Variants in BMERB1 observed in about 807,000 individuals in gnomAD.
BMERB1 encodes the protein bMERB domain-containing protein 1.
In BMERB1, 12 loss-of-function variants were observed where a neutral mutation model predicts 23.6. That is an observed-to-expected ratio of 0.51 (90% confidence interval 0.33 to 0.82). BMERB1 has a LOEUF of 0.82. BMERB1 is among the 40% of genes least tolerant of loss of function. BMERB1 has a pLI of 0.03. For synonymous variants in BMERB1, 122 were observed against 96.6 expected (o/e 1.26, Z -1.54); for missense variants, 247 against 255.4 (o/e 0.97, Z 0.22).
chr16:15,586,583 TGAACAAGGCCTG>T (rs1325851500), intron 5 of BMERB1, 122 bp from the exon 6 acceptor site: 2 of 726,296 alleles, frequency 2.8e-6, no homozygotes, highest in Non-Finnish European at 2.5e-6. Flanking sequence ...CCATACCACC[TGAACAAGGCCTG>T]GAACAAGACC....
chr16:15,482,016 C>T (rs1441784689), intron 1 of BMERB1, among the ~76,000 whole-genome samples: 1 of 152,110 alleles, frequency 6.6e-6, no homozygotes, highest in African/African-American at 2.4e-5. Context: ...CAGGCATGAG[C>T]CACCGCGCCT....
At chr16:15,451,552 C>CTTTTT (rs35544766) in intron 1 of BMERB1, among the ~76,000 whole-genome samples, 13 of 84,018 alleles carry the variant, frequency 1.5e-4, no homozygotes, top group African/African-American at 2.3e-4. Context: ...CTTAGTATTT[C>CTTTTT]TTTTTTTTTT....
intron 1 of BMERB1, among the ~76,000 whole-genome samples, chr16:15,449,887 G>A (rs1038828356): frequency 2.0e-5 from 3 of 151,552 alleles, no homozygotes; most frequent in African/African-American, 7.3e-5. Flanking sequence ...GACTAGAGAT[G>A]GGCAAATTTT....
chr16:15,541,046 C>T lies in BMERB1; in HGVS notation c.230+25618C>T, dbSNP rs191927363. Among the ~76,000 whole-genome samples the T allele has an allele frequency of 1.1e-3, 170 of 152,056 alleles. 1 individual carries two copies. The highest frequency in any genetic ancestry group is 3.9e-3 in the African/African-American group (160 of 41,470). On this transcript the variant is annotated intron_variant, in intron 2 of 5. Coordinates refer to ENST00000300006, the MANE Select transcript of BMERB1 (RefSeq NM_033201.3). The stretch of plus-strand genomic sequence containing the variant: ...CTATCTCAGATGCCAGTCGCAAGTC[C>T]GGAGCCACCCACCCTTCTGCCTGGC...
chr16:15,581,396 A>G, intron 4 of BMERB1, 65 bp downstream of exon 4: 2 of 1,355,360 alleles, frequency 1.5e-6, no homozygotes, highest in Non-Finnish European at 2.1e-6. Context: ...TCCTTCCAGA[A>G]CCCATCTTCT....
Position 15,587,199 on chromosome 16 carries a change from G to A in BMERB1, c.*370G>A, listed in dbSNP as rs556879722. On this transcript the variant is annotated 3_prime_UTR_variant, in exon 6 of 6. Transcript: ENST00000300006. The stretch of plus-strand genomic sequence containing the variant: ...GCATGCTCCCCAGCTGTGTGTAGTC[G>A]TGACTTCTCAACAATCTAGCACCAT... 7.2e-5 allele frequency: 18 copies of A among 250,020 alleles called. No homozygotes were observed. The highest frequency in any genetic ancestry group is 1.1e-4 in the East Asian group (1 of 8,944). 15.5% of individuals were successfully genotyped at this position (250,020 alleles called of 1,614,324 possible).
chr16:15,546,919 C>T (rs146529688), intron 2 of BMERB1, among the ~76,000 whole-genome samples: 6 of 152,124 alleles, frequency 3.9e-5, no homozygotes, highest in African/African-American at 9.6e-5. Flanking sequence ...CTCGTTATCT[C>T]GTCATGTTTC....
intron 5 of BMERB1, 40 bp from the exon 6 acceptor site, chr16:15,586,677 T>C (rs538538791): frequency 6.6e-7 from 1 of 1,507,528 alleles, no homozygotes; most frequent in East Asian, 2.4e-5. Context: ...CTCTCTCTGT[T>C]CCTTTCTCCC....
chr16:15,502,333 C>T (rs2051538806), intron 1 of BMERB1: 1 of 1,551,112 alleles, frequency 6.4e-7, no homozygotes, highest in Admixed American at 2.0e-5. Flanking sequence ...TGTGGGGCGA[C>T]CTCACAGAGA....
chr16:15,564,335 A>AT (rs917873977), intron 2 of BMERB1, among the ~76,000 whole-genome samples: 27 of 151,954 alleles, frequency 1.8e-4, no homozygotes, highest in East Asian at 3.9e-4. Flanking sequence ...GCATACATAA[A>AT]TTTTTTTTTG....
At chr16:15,565,345 G>C (rs2030534710) in intron 2 of BMERB1, among the ~76,000 whole-genome samples, 1 of 152,158 alleles carries the variant, frequency 6.6e-6, no homozygotes, top group Non-Finnish European at 1.5e-5. Context: ...TTTTTCCTAG[G>C]ATAGTTGTCA....
At chr16:15,555,278 T>A (rs1221306380) in intron 2 of BMERB1, among the ~76,000 whole-genome samples, 1 of 152,068 alleles carries the variant, frequency 6.6e-6, no homozygotes, top group African/African-American at 2.4e-5. Flanking sequence ...CTCGCTATGT[T>A]GCCTAGGCTA....
chr16:15,456,491 C>T (rs961993804), intron 1 of BMERB1, among the ~76,000 whole-genome samples: 4 of 152,078 alleles, frequency 2.6e-5, no homozygotes, highest in African/African-American at 9.7e-5. Flanking sequence ...CACATGCCAC[C>T]ACACCCAGCT....
chr16:15,448,225 G>T (rs1263079127), intron 1 of BMERB1, among the ~76,000 whole-genome samples: 1 of 152,154 alleles, frequency 6.6e-6, no homozygotes, highest in Non-Finnish European at 1.5e-5. Flanking sequence ...TCTGGCAATG[G>T]TGACCAACTG....
chr16:15,484,407 CTT>C (rs147271936), intron 1 of BMERB1, among the ~76,000 whole-genome samples: 5 of 146,468 alleles, frequency 3.4e-5, no homozygotes, highest in Non-Finnish European at 7.6e-5. Context: ...CCCCCAACCT[CTT>C]TTTTTTTTTT....
chr16:15,513,335 C>T (rs1373446783), intron 1 of BMERB1, among the ~76,000 whole-genome samples: 3 of 152,110 alleles, frequency 2.0e-5, no homozygotes, highest in Non-Finnish European at 4.4e-5. Context: ...TTAAGTGCTT[C>T]GTGATACAGC....
intron 3 of BMERB1, among the ~76,000 whole-genome samples, chr16:15,574,467 A>G (rs995412848): frequency 1.3e-5 from 2 of 152,070 alleles, no homozygotes; most frequent in African/African-American, 4.8e-5. Context: ...AGTTCCTCCC[A>G]TAGTTAGTTC....
At chr16:15,548,127 G>A (rs1459077260) in intron 2 of BMERB1, among the ~76,000 whole-genome samples, 6 of 152,106 alleles carry the variant, frequency 3.9e-5, no homozygotes, top group African/African-American at 1.4e-4. Context: ...TGGGATTACA[G>A]CTGTGCACCA....
chr16:15,439,691 C>T (rs550619740), intron 1 of BMERB1, among the ~76,000 whole-genome samples: 1 of 152,252 alleles, frequency 6.6e-6, no homozygotes, highest in South Asian at 2.1e-4. Context: ...GAGGTTTTTT[C>T]CCCGCTCAGC....
Sources: gnomAD v4.1 joint callset for allele counts (sites outside exome capture counted in the v4.1 genomes callset) on GRCh38, gnomAD v4.1.1 for gene constraint, MANE v1.5 for transcripts, NCBI Gene and HGNC (gene_info 2026-07-23, HGNC 2026-07-21) for gene names.